Variants in RCL1 observed in about 807,000 individuals in gnomAD.
RCL1 encodes RNA terminal phosphate cyclase like 1.
In RCL1, 24 loss-of-function variants were observed where a neutral mutation model predicts 42.4. That is an observed-to-expected ratio of 0.57 (90% CI 0.41 to 0.80). RCL1 has a LOEUF of 0.80. Ranked by LOEUF, RCL1 falls within the 30% of genes least tolerant of loss-of-function variation. The pLI, the probability that RCL1 is intolerant of heterozygous loss-of-function variation, is 0.00. For synonymous variants in RCL1, 228 were observed against 177.3 expected, an observed-to-expected ratio of 1.29 and a Z score of -2.27; for missense variants, 578 against 467.9, an observed-to-expected ratio of 1.24 and a Z score of -2.17.
chr9:4,850,744 G>C (rs1365406747), intron 8 of RCL1, among the ~76,000 whole-genome samples: 1 of 152,108 alleles, frequency 6.6e-6, no homozygotes, highest in Non-Finnish European at 1.5e-5. Flanking sequence ...ACTTGGAGAG[G>C]AGATGAGGGC....
chr9:4,852,125 C>T (rs1400614444), intron 8 of RCL1, among the ~76,000 whole-genome samples: 2 of 152,184 alleles, frequency 1.3e-5, no homozygotes, highest in African/African-American at 4.8e-5. Flanking sequence ...TCGTGGTCCA[C>T]CCGCCTTGGC....
chr9:4,815,308 AT>A (rs1191256356), intron 1 of RCL1, among the ~76,000 whole-genome samples: 2 of 151,668 alleles, frequency 1.3e-5, no homozygotes, highest in African/African-American at 4.8e-5. Flanking sequence ...TTTCATTCTC[AT>A]TTCTTATTTC....
chr9:4,821,261 A>AAG (rs939272217), intron 1 of RCL1, among the ~76,000 whole-genome samples: 16 of 151,782 alleles, frequency 1.1e-4, no homozygotes, highest in African/African-American at 3.6e-4. Flanking sequence ...TATTTCTTAA[A>AAG]AGAGAGAGAG....
intron 5 of RCL1, 86 bp downstream of exon 5, chr9:4,834,351 C>T: frequency 6.9e-7 from 1 of 1,446,096 alleles, no homozygotes; most frequent in Non-Finnish European, 9.3e-7. Flanking sequence ...TTACTTCTTC[C>T]CGAGGTTATT....
At chr9:4,837,832 C>A (rs1415064727) in intron 5 of RCL1, among the ~76,000 whole-genome samples, 1 of 152,184 alleles carries the variant, frequency 6.6e-6, no homozygotes, top group Non-Finnish European at 1.5e-5. Flanking sequence ...GTCCCAAGTT[C>A]CTCCCTCCCT....
At position 4,826,905 on chromosome 9, in the gene RCL1, G is replaced by C; in HGVS notation, c.256G>C (p.Glu86Gln). ...QPGLLYGGSV[E>Q]HDCSVLRGIG... Reference sequence around the variant, plus strand: ...TGGCCTCCTGTATGGTGGATCTGTGGAACATGACTGTAGCGTCCTTCGTGG... The same window carrying C: ...TGGCCTCCTGTATGGTGGATCTGTGCAACATGACTGTAGCGTCCTTCGTGG... Residue 86 changes from glutamate (E) to glutamine (Q), a missense_variant, in exon 3 of 9, where the codon GAA becomes CAA. By Grantham distance (29) the Glu-to-Gln change is conservative (BLOSUM62 2). Coordinates refer to ENST00000381750, the MANE Select transcript of RCL1 (RefSeq NM_005772.5). The C allele has an allele frequency of 6.2e-7, 1 of 1,614,132 alleles. No individual in the cohort carries two copies. Among genetic ancestry groups the C allele is most frequent in the Non-Finnish European group, 8.5e-7 (1 of 1,180,002 alleles).
At chr9:4,810,300 A>C (rs1816128670) in intron 1 of RCL1, among the ~76,000 whole-genome samples, 1 of 152,212 alleles carries the variant, frequency 6.6e-6, no homozygotes, top group Non-Finnish European at 1.5e-5. Flanking sequence ...GAAAAGAAAC[A>C]GTATGCCAGC....
chr9:4,828,098 A>G (rs1232687386), intron 3 of RCL1, among the ~76,000 whole-genome samples: 1 of 148,678 alleles, frequency 6.7e-6, no homozygotes, highest in Admixed American at 6.8e-5. Context: ...AGGCAGGAGA[A>G]TGGCGTGAAC....
intron 1 of RCL1, among the ~76,000 whole-genome samples, chr9:4,815,206 T>C (rs1446412805): frequency 6.6e-6 from 1 of 152,032 alleles, no homozygotes; most frequent in African/African-American, 2.4e-5. Flanking sequence ...AGGCTTTCTG[T>C]GCTTCCTTTT....
rs553572350 is a variant in RCL1, at chr9:4,844,572, C to G, written c.758C>G (p.Thr253Ser). ...LSLVAETTSG[T>S]FLSAELASNP... ...CTGGTTGCTGAGACCACCAGTGGCA[C>G]CTTCCTCAGTGCTGAACTGGCCTCC... Residue 253 changes from threonine to serine, a missense_variant, in exon 7 of 9, where the codon ACC (threonine) becomes AGC (serine). Physicochemically the swap from Thr to Ser is moderately conservative, Grantham distance 58. Transcript: ENST00000381750. 20 of 1,613,648 alleles carry G rather than the reference C, an allele frequency of 1.2e-5. No homozygotes were observed. In the East Asian group the frequency reaches 4.5e-4, roughly 36 times the overall value.
chr9:4,858,834 A>G (rs1487849719), intron 8 of RCL1, among the ~76,000 whole-genome samples: 1 of 152,332 alleles, frequency 6.6e-6, no homozygotes, highest in African/African-American at 2.4e-5. Flanking sequence ...ATACTTCACT[A>G]TAGATGTGCA....
chr9:4,826,886 C>A lies in RCL1; in HGVS notation c.237C>A (p.Leu79=). 6.2e-7 allele frequency: 1 copy of A among 1,614,096 alleles called. No homozygotes were observed. The highest frequency in any genetic ancestry group is 1.1e-5 in the South Asian group (1 of 91,070). The change falls in exon 3 of 9, where the codon CTC becomes CTA. Residue 79 remains leucine, a synonymous_variant. Transcript: ENST00000381750. ...CAACCTTATATTATCAGCCTGGCCT[C>A]CTGTATGGTGGATCTGTGGAACATG... ...TGTTLYYQPG[L]LYGGSVEHDC... is the part of the protein sequence containing the mutation.
Position 4,833,208 on chromosome 9 carries a change from G to T in RCL1, c.439G>T (p.Gly147Cys). ...LPLLKQFGID[G>C]ESFELKIVRR... Reference sequence around the variant, plus strand: ...TTTGTTGAAACAATTTGGGATTGATGGTGAATCATTTGAACTGAAGGTAAG... The same window carrying T: ...TTTGTTGAAACAATTTGGGATTGATTGTGAATCATTTGAACTGAAGGTAAG... The change falls in exon 4 of 9, where the codon GGT (glycine) becomes TGT (cysteine). Residue 147 changes from glycine to cysteine, a missense_variant. Transcript: ENST00000381750. 1 of 1,612,548 alleles carries T rather than the reference G, an allele frequency of 6.2e-7. No individual in the cohort carries two copies. Among genetic ancestry groups the T allele is most frequent in the Non-Finnish European group, 8.5e-7 (1 of 1,178,562 alleles).
At chr9:4,850,705 C>T (rs1354696481) in intron 8 of RCL1, among the ~76,000 whole-genome samples, 2 of 152,008 alleles carry the variant, frequency 1.3e-5, no homozygotes, top group African/African-American at 4.8e-5. Context: ...CAGTAGTAAA[C>T]AATGCTAAAA....
At chr9:4,856,761 G>A (rs1817975920) in intron 8 of RCL1, among the ~76,000 whole-genome samples, 2 of 152,226 alleles carry the variant, frequency 1.3e-5, no homozygotes, top group African/African-American at 2.4e-5. Context: ...TGGAAGGAAA[G>A]CAAGGAATTG....
intron 3 of RCL1, among the ~76,000 whole-genome samples, chr9:4,831,036 C>G (rs1293656121): frequency 6.6e-6 from 1 of 152,072 alleles, no homozygotes; most frequent in African/African-American, 2.4e-5. Context: ...TCTCATTTTA[C>G]GAAGGAGGAA....
chr9:4,843,634 T>A (rs1293213581), intron 6 of RCL1, among the ~76,000 whole-genome samples: 1 of 152,226 alleles, frequency 6.6e-6, no homozygotes, highest in Non-Finnish European at 1.5e-5. Flanking sequence ...TCTGATTAAA[T>A]ATAAAGTTTA....
chr9:4,829,217 G>T (rs1445797130), intron 3 of RCL1, among the ~76,000 whole-genome samples: 2 of 152,214 alleles, frequency 1.3e-5, no homozygotes, highest in Non-Finnish European at 2.9e-5. Flanking sequence ...ATCAGAATCA[G>T]TCTGGGTTTT....
At chr9:4,838,768 A>G (rs747071019) in intron 5 of RCL1, among the ~76,000 whole-genome samples, 1 of 152,230 alleles carries the variant, frequency 6.6e-6, no homozygotes, top group Non-Finnish European at 1.5e-5. Context: ...TTGTGAGTAT[A>G]TATGTTTCTC....
Sources: gnomAD v4.1 joint callset for allele counts (sites outside exome capture counted in the v4.1 genomes callset) on GRCh38, gnomAD v4.1.1 for gene constraint, MANE v1.5 for transcripts, NCBI Gene and HGNC (gene_info 2026-07-23, HGNC 2026-07-21) for gene names.